The following SND1 variants were observed in gnomAD, a reference collection of about 807,000 sequenced individuals.
SND1 encodes the protein staphylococcal nuclease domain-containing protein 1.
A neutral mutation model predicts 121.7 loss-of-function variants in SND1; 38 were observed. The ratio of observed to expected loss-of-function variants is 0.31; its 90% CI spans 0.24 to 0.41. SND1 has a LOEUF of 0.41. Among genes scored for constraint, SND1 ranks in the 10% least tolerant of loss-of-function variants. The pLI is 1.00. For synonymous variants in SND1, 401 were observed against 447.4 expected, an observed-to-expected ratio of 0.90 and a Z score of 1.31; for missense variants, 868 against 1,184.6, an observed-to-expected ratio of 0.73 and a Z score of 3.92.
rs1793673928 is a variant in SND1, at chr7:128,085,493, C to T, written c.2235-218C>T. The stretch of plus-strand genomic sequence containing the variant: ...GACACATTAATCTGCTCCACATGCT[C>T]CTTTCTCCCTCTTCTGCTCCCAGCT... On this transcript the variant is annotated intron_variant, in intron 19 of 23. Coordinates refer to ENST00000354725, the MANE Select transcript of SND1 (RefSeq NM_014390.4). The surrounding 1 kb of genome is among the most constrained non-coding windows in gnomAD (Gnocchi z 4.4). Among the ~76,000 whole-genome samples, 1 of 152,224 alleles carries T rather than the reference C, an allele frequency of 6.6e-6. No homozygotes were observed. The highest frequency in any genetic ancestry group is 6.5e-5 in the Admixed American group (1 of 15,284).
chr7:127,705,081 A>G, intron 8 of SND1, 136 bp downstream of exon 8: 1 of 691,756 alleles, frequency 1.4e-6, no homozygotes, highest in Non-Finnish European at 2.6e-6. Context: ...AGTTCCTTAT[A>G]GAGGAGTGAC....
Position 127,807,573 on chromosome 7 carries a change from G to A in SND1, c.1242G>A (p.Lys414=), listed in dbSNP as rs1258042872. The A allele has an allele frequency of 1.2e-6, 2 of 1,610,836 alleles. No homozygotes were observed. The highest frequency in any genetic ancestry group is 4.5e-5 in the East Asian group (2 of 44,868). ...EFLRKKLIGK[K]VNVTVDYIRP... ...TTCGAAAAAAGCTTATTGGGAAGAA[G>A]GTAAGTAATTGATGACAGAAGCATA... The change falls in exon 11 of 24, where the codon AAG becomes AAA. Residue 414 remains lysine (K), a splice_region_variant and synonymous_variant. Coordinates refer to ENST00000354725, the MANE Select transcript of SND1 (RefSeq NM_014390.4).
At chr7:127,703,550 A>G (rs370172897) in intron 7 of SND1, among the ~76,000 whole-genome samples, 28 of 152,294 alleles carry the variant, frequency 1.8e-4, no homozygotes, top group African/African-American at 6.7e-4. Flanking sequence ...TGTTTCTACT[A>G]AAAATACAAA....
intron 10 of SND1, among the ~76,000 whole-genome samples, chr7:127,790,032 T>C (rs1797881386): frequency 6.6e-6 from 1 of 152,182 alleles, no homozygotes; most frequent in Admixed American, 6.5e-5. Flanking sequence ...AATTGTTTGT[T>C]TGTTTGTTTG....
chr7:128,054,090 G>C (rs1359792529), intron 16 of SND1, among the ~76,000 whole-genome samples: 3 of 152,246 alleles, frequency 2.0e-5, no homozygotes, highest in African/African-American at 7.2e-5. Flanking sequence ...GCAGTACCCT[G>C]GGTCTCCTTT....
At chr7:127,718,713 T>G in intron 9 of SND1, 6 of 985,442 alleles carry the variant, frequency 6.1e-6, no homozygotes, top group Non-Finnish European at 7.2e-6. Flanking sequence ...AGTAACTTGT[T>G]ACAGGACATC....
rs1406101724 is a variant in SND1 at position 128,074,701 on chromosome 7, C to T, written c.1968+11C>T. ...CAGAAGAAAGAGAAGGTACATGTGGCAGCCCAGCTGTGCTCTCCCTGCCCT... is the reference window on the plus strand; with the variant it reads ...CAGAAGAAAGAGAAGGTACATGTGGTAGCCCAGCTGTGCTCTCCCTGCCCT... On this transcript the variant is annotated intron_variant, in intron 17 of 23. Coordinates refer to ENST00000354725, the MANE Select transcript of SND1 (RefSeq NM_014390.4). The T allele has an allele frequency of 6.2e-7, 1 of 1,600,850 alleles. No individual in the cohort carries two copies. The highest frequency in any genetic ancestry group is 8.5e-7 in the Non-Finnish European group (1 of 1,173,612).
At chr7:128,033,386 A>G (rs1792687780) in intron 16 of SND1, among the ~76,000 whole-genome samples, 1 of 152,096 alleles carries the variant, frequency 6.6e-6, no homozygotes, top group African/African-American at 2.4e-5. Flanking sequence ...CTTCCCTTCA[A>G]GAGCTGCCTC....
intron 14 of SND1, among the ~76,000 whole-genome samples, chr7:127,909,698 T>C (rs6964714): frequency 0.077 from 11,733 of 152,202 alleles, 1,383 homozygotes; most frequent in African/African-American, 0.25. Flanking sequence ...TCCCAAAGTA[T>C]TGCTATTATA....
chr7:127,759,913 A>G (rs112026101), intron 10 of SND1, among the ~76,000 whole-genome samples: 3 of 152,214 alleles, frequency 2.0e-5, no homozygotes, highest in East Asian at 1.9e-4. Flanking sequence ...AAACTGTCGC[A>G]TTTCTGCTGC....
chr7:127,917,861 C>T (rs988935679), intron 14 of SND1, among the ~76,000 whole-genome samples: 1 of 152,184 alleles, frequency 6.6e-6, no homozygotes, highest in African/African-American at 2.4e-5. Flanking sequence ...GTTTCCACAT[C>T]AGTTTACAGA....
intron 14 of SND1, among the ~76,000 whole-genome samples, chr7:127,920,529 AG>A (rs1800679938): frequency 6.6e-6 from 1 of 152,198 alleles, no homozygotes; most frequent in Admixed American, 6.5e-5. Context: ...TGTGTTGAGA[AG>A]TTAGAGTATG....
intron 10 of SND1, among the ~76,000 whole-genome samples, chr7:127,798,173 G>A (rs141092605): frequency 2.0e-5 from 3 of 152,132 alleles, no homozygotes; most frequent in East Asian, 1.9e-4. Flanking sequence ...AGGACATGAG[G>A]CCGCCTAAAT....
intron 15 of SND1, among the ~76,000 whole-genome samples, chr7:127,938,833 T>C (rs976684255): frequency 6.6e-6 from 1 of 152,160 alleles, no homozygotes; most frequent in African/African-American, 2.4e-5. Flanking sequence ...CCATGAATCA[T>C]CCCCAGAATG....
chr7:127,657,157 A>G (rs1795225959), intron 1 of SND1, among the ~76,000 whole-genome samples: 1 of 152,256 alleles, frequency 6.6e-6, no homozygotes, highest in Admixed American at 6.5e-5. Flanking sequence ...ATCATCTGCT[A>G]TCTGTCAAGC....
In SND1 at chr7:127,660,217, G is replaced by T. The variant is rs183178637; in HGVS notation, c.78+7766G>T. 1.5e-3 allele frequency among the ~76,000 whole-genome samples: 234 copies of T among 152,248 alleles called. 1 individual carries two copies. The highest frequency in any genetic ancestry group is 0.011 in the Admixed American group (167 of 15,288). The stretch of plus-strand genomic sequence containing the variant: ...TGGGAGTGTTGCTTGAGACCCAGAG[G>T]AACATGGTTCTAGTGGGTTTTATTC... On this transcript the variant is annotated intron_variant, in intron 1 of 23. Coordinates refer to ENST00000354725, the MANE Select transcript of SND1 (RefSeq NM_014390.4).
chr7:127,965,047 C>A (rs1801824863), intron 15 of SND1, among the ~76,000 whole-genome samples: 1 of 62,968 alleles, frequency 1.6e-5, no homozygotes, highest in Non-Finnish European at 2.9e-5. Flanking sequence ...CATGATTTGG[C>A]TCTCTGTTTG....
At chr7:127,853,859 G>A (rs1309647792) in intron 12 of SND1, among the ~76,000 whole-genome samples, 1 of 152,182 alleles carries the variant, frequency 6.6e-6, no homozygotes, top group Non-Finnish European at 1.5e-5. Context: ...CAGGGAAGTG[G>A]AGATTCTGGC....
At chr7:127,808,722 A>G (rs1798283762) in intron 11 of SND1, among the ~76,000 whole-genome samples, 1 of 152,228 alleles carries the variant, frequency 6.6e-6, no homozygotes, top group African/African-American at 2.4e-5. Flanking sequence ...ACTTGACAGC[A>G]TGCTGTATTC....
Sources: allele counts gnomAD v4.1 joint callset (sites outside exome capture counted in the v4.1 genomes callset), GRCh38; gene constraint gnomAD v4.1.1; non-coding constraint Gnocchi (gnomAD v3.1); transcripts MANE v1.5; gene names NCBI Gene and HGNC (gene_info 2026-07-23, HGNC 2026-07-21).